Variants in RBFOX1 observed in about 807,000 individuals in gnomAD.
The protein encoded by RBFOX1 is RNA binding fox-1 homolog 1.
Under a neutral mutation model 57.7 loss-of-function variants are expected in RBFOX1, and 8 were observed. The observed-to-expected ratio is 0.14, with a 90% CI of 0.08 to 0.25. RBFOX1 has a LOEUF of 0.25. Among genes scored for constraint, RBFOX1 ranks in the 10% least tolerant of loss-of-function variants. The pLI is 1.00. For synonymous variants in RBFOX1, 326 were observed against 222.4 expected (o/e 1.47, Z -4.15); for missense variants, 611 against 548.5 (o/e 1.11, Z -1.14).
intron 4 of RBFOX1, among the ~76,000 whole-genome samples, chr16:7,339,200 C>A (rs527898467): frequency 1.3e-5 from 2 of 152,270 alleles, no homozygotes; most frequent in South Asian, 4.2e-4. Context: ...GCAGGAAGGC[C>A]TAGCTTGCAA....
In RBFOX1 at chr16:7,711,626, G is replaced by C. The variant is rs1568631873; in HGVS notation, c.*881G>C. On this transcript the variant is annotated 3_prime_UTR_variant, in exon 16 of 16. Coordinates refer to ENST00000550418, the MANE Select transcript of RBFOX1 (RefSeq NM_018723.4). ...TTTTCTTTTTTTCCAAAAAAAGAAA[G>C]TAATAAAAACTTAAATTCTTTGTAC... is the stretch of plus-strand genomic sequence containing the variant. 6.6e-6 allele frequency: 1 copy of C among 152,156 alleles called. No individual in the cohort carries two copies. Among genetic ancestry groups the C allele is most frequent in the African/African-American group, 2.4e-5 (1 of 41,292 alleles). 9.4% of individuals were successfully genotyped at this position (152,156 alleles called of 1,614,324 possible).
At chr16:5,700,855 G>T (rs932160065) in intron 3 of RBFOX1, among the ~76,000 whole-genome samples, 2 of 152,114 alleles carry the variant, frequency 1.3e-5, no homozygotes, top group African/African-American at 4.8e-5. Context: ...CCAGTCATAG[G>T]CTGGCCAGTT....
intron 3 of RBFOX1, among the ~76,000 whole-genome samples, chr16:7,041,680 C>A (rs1002019934): frequency 1.3e-5 from 2 of 152,158 alleles, no homozygotes; most frequent in Admixed American, 1.3e-4. Flanking sequence ...CGAAAGGAAT[C>A]TGATGCTACA....
chr16:6,690,246 T>C (rs902214902), intron 3 of RBFOX1, among the ~76,000 whole-genome samples: 3 of 152,168 alleles, frequency 2.0e-5, no homozygotes, highest in African/African-American at 7.2e-5. Context: ...TAAGAAGATA[T>C]TTGATTTTAT....
At chr16:6,087,151 A>G (rs1183833184) in intron 1 of RBFOX1, among the ~76,000 whole-genome samples, 6 of 152,184 alleles carry the variant, frequency 3.9e-5, no homozygotes, top group African/African-American at 1.4e-4. Context: ...TAGATTTATG[A>G]GGATAGATTC....
intron 3 of RBFOX1, among the ~76,000 whole-genome samples, chr16:5,860,153 A>G (rs1039326687): frequency 6.6e-5 from 10 of 151,970 alleles, no homozygotes; most frequent in Non-Finnish European, 1.5e-4. Flanking sequence ...CATGATCTCA[A>G]CTCACTGCAA....
chr16:5,556,440 A>G lies in RBFOX1; in HGVS notation c.259-42462A>G, dbSNP rs141903911. Among the ~76,000 whole-genome samples, 3 of 152,344 alleles carry G rather than the reference A, an allele frequency of 2.0e-5. No homozygotes were observed. In the East Asian group the frequency reaches 5.8e-4, roughly 29 times the overall value. On this transcript the variant is annotated intron_variant, in intron 2 of 2. Coordinates refer to the RBFOX1 transcript ENST00000585867. ...TTCCCAGAGGCAACGTTTCCAGGTC[A>G]TTTGACATTAGTTCAGAGAATGGGA...
In RBFOX1 at chr16:6,944,021, G is replaced by C. The variant is rs536344546; in HGVS notation, c.-15-108036G>C. Among the ~76,000 whole-genome samples the C allele has an allele frequency of 6.6e-5, 10 of 152,204 alleles. No homozygotes were observed. The South Asian group carries it at 2.1e-3, about 32-fold the overall frequency. On this transcript the variant is annotated intron_variant, in intron 3 of 15. Transcript: ENST00000550418. Reference sequence around the variant, plus strand: ...CTCAAACTCCTTTAAGTTTAATTTGGCTGAAGTTTTTATTTTAACAGGGAC... The same window carrying C: ...CTCAAACTCCTTTAAGTTTAATTTGCCTGAAGTTTTTATTTTAACAGGGAC...
At chr16:5,806,310 G>T (rs528123401) in intron 3 of RBFOX1, among the ~76,000 whole-genome samples, 15 of 152,292 alleles carry the variant, frequency 9.8e-5, no homozygotes, top group African/African-American at 3.6e-4. Context: ...CAAGGTGTTG[G>T]CATTTGGCGT....
At chr16:7,068,880 C>T (rs960762318) in intron 4 of RBFOX1, among the ~76,000 whole-genome samples, 7 of 152,202 alleles carry the variant, frequency 4.6e-5, no homozygotes, top group Admixed American at 6.5e-5. Context: ...TGAGCCACCG[C>T]GCCCGGCCTG....
At chr16:7,188,687 T>G (rs1461213822) in intron 4 of RBFOX1, among the ~76,000 whole-genome samples, 2 of 152,222 alleles carry the variant, frequency 1.3e-5, no homozygotes, top group Non-Finnish European at 2.9e-5. Flanking sequence ...GCAGCAGGTT[T>G]CATTTATTCT....
chr16:5,796,887 C>G (rs187859241), intron 3 of RBFOX1, among the ~76,000 whole-genome samples: 1 of 152,112 alleles, frequency 6.6e-6, no homozygotes, highest in Non-Finnish European at 1.5e-5. Context: ...GTTTGTTCAT[C>G]GATTATTTAC....
chr16:6,643,292 A>G (rs1258141963), intron 2 of RBFOX1, among the ~76,000 whole-genome samples: 3 of 152,210 alleles, frequency 2.0e-5, no homozygotes, highest in Non-Finnish European at 4.4e-5. Flanking sequence ...GCCATTTGTG[A>G]TATTGCAGGT....
chr16:6,395,011 A>G (rs112744134), intron 2 of RBFOX1, among the ~76,000 whole-genome samples: 5 of 152,338 alleles, frequency 3.3e-5, no homozygotes, highest in African/African-American at 9.6e-5. Flanking sequence ...ATAATCAGGG[A>G]AATTAAATGG....
intron 3 of RBFOX1, among the ~76,000 whole-genome samples, chr16:5,650,048 C>T (rs2049183731): frequency 6.6e-6 from 1 of 152,230 alleles, no homozygotes; most frequent in Non-Finnish European, 1.5e-5. Context: ...GCCGTCTGGG[C>T]TGCTTAAGCA....
Position 6,208,795 on chromosome 16 carries a change from G to A in RBFOX1, c.-126-108200G>A, listed in dbSNP as rs531229969. 1.4e-4 allele frequency among the ~76,000 whole-genome samples: 21 copies of A among 152,260 alleles called. 1 individual carries two copies. The South Asian group carries it at 4.4e-3, about 32-fold the overall frequency. ...AACACTGCATTCCCTTCCTATCAAGGCAAGGATTGATGTGAAGTAGTGGCT... is the reference window on the plus strand; with the variant it reads ...AACACTGCATTCCCTTCCTATCAAGACAAGGATTGATGTGAAGTAGTGGCT... On this transcript the variant is annotated intron_variant, in intron 1 of 15. Transcript: ENST00000550418.
At chr16:7,249,882 T>C (rs552461465) in intron 4 of RBFOX1, among the ~76,000 whole-genome samples, 3 of 152,334 alleles carry the variant, frequency 2.0e-5, no homozygotes, top group Admixed American at 2.0e-4. Context: ...TACACATTGT[T>C]AAATGATCTC....
intron 1 of RBFOX1, among the ~76,000 whole-genome samples, chr16:5,356,967 C>T (rs185559878): frequency 6.6e-6 from 1 of 152,240 alleles, no homozygotes; most frequent in Non-Finnish European, 1.5e-5. Flanking sequence ...TCACAGGTAC[C>T]CAGTGAAGTA....
At chr16:6,857,361 G>A (rs1288189764) in intron 3 of RBFOX1, among the ~76,000 whole-genome samples, 1 of 152,152 alleles carries the variant, frequency 6.6e-6, no homozygotes, top group Admixed American at 6.5e-5. Flanking sequence ...AAGTGCTCAC[G>A]TTATTCTTAG....
Sources: gnomAD v4.1 joint callset for allele counts (sites outside exome capture counted in the v4.1 genomes callset) on GRCh38, gnomAD v4.1.1 for gene constraint, MANE v1.5 for transcripts, NCBI Gene and HGNC (gene_info 2026-07-23, HGNC 2026-07-21) for gene names.